FGF12: variants seen among roughly 807,000 people sequenced by gnomAD.
The protein encoded by FGF12 is fibroblast growth factor 12B.
A neutral mutation model predicts 23.6 loss-of-function variants in FGF12; 14 were observed. The observed-to-expected ratio is 0.59, with a 90% CI of 0.39 to 0.93. The LOEUF (loss-of-function observed/expected upper bound fraction) is 0.93, where lower values mean the gene tolerates loss of function less well. Ranked by LOEUF, FGF12 falls within the 40% of genes least tolerant of loss-of-function variation. The probability of loss-of-function intolerance (pLI) is 0.00; values close to 1 mark genes in which losing one functional copy is unlikely to be tolerated. For synonymous variants in FGF12, 62 were observed against 77.3 expected (o/e 0.80, Z 1.04); for missense variants, 175 against 217.8 (o/e 0.80, Z 1.24).
chr3:192,403,999 C>G (rs1054843746), intron 2 of FGF12, among the ~76,000 whole-genome samples: 4 of 152,132 alleles, frequency 2.6e-5, no homozygotes, highest in Non-Finnish European at 4.4e-5. Context: ...TGAAAATCAA[C>G]AAAATCGGGT....
At chr3:192,559,834 C>T (rs902554007) in intron 2 of FGF12, among the ~76,000 whole-genome samples, 2 of 22,162 alleles carry the variant, frequency 9.0e-5, no homozygotes, top group South Asian at 2.3e-3. Flanking sequence ...AACTAAAGTT[C>T]GTTAATGAAT....
chr3:192,294,463 T>A (rs566443170), intron 4 of FGF12, among the ~76,000 whole-genome samples: 5 of 152,204 alleles, frequency 3.3e-5, no homozygotes, highest in Non-Finnish European at 7.3e-5. Context: ...GTCATAGCAC[T>A]GTTCCCTGTC....
chr3:192,324,152 C>T (rs1425682701), intron 4 of FGF12, among the ~76,000 whole-genome samples: 3 of 151,772 alleles, frequency 2.0e-5, no homozygotes, highest in Non-Finnish European at 2.9e-5. Flanking sequence ...ATATATATGC[C>T]TACCACGTGC....
chr3:192,582,831 TG>T (rs1020125656), intron 2 of FGF12, among the ~76,000 whole-genome samples: 8 of 152,166 alleles, frequency 5.3e-5, no homozygotes, highest in African/African-American at 1.9e-4. Flanking sequence ...CTACCACACC[TG>T]AGCTCTCGGC....
At chr3:192,159,835 C>T (rs1714763468) in intron 5 of FGF12, among the ~76,000 whole-genome samples, 2 of 151,988 alleles carry the variant, frequency 1.3e-5, no homozygotes. Flanking sequence ...GGGAAGTGCC[C>T]CACAACAAGG....
intron 2 of FGF12, among the ~76,000 whole-genome samples, chr3:192,373,494 A>T (rs1719336905): frequency 1.3e-5 from 2 of 152,188 alleles, no homozygotes; most frequent in Admixed American, 1.3e-4. Context: ...ATCTTTTACC[A>T]CTGTAAATCA....
chr3:192,633,593 A>G (rs1021463031), intron 2 of FGF12, among the ~76,000 whole-genome samples: 1 of 152,100 alleles, frequency 6.6e-6, no homozygotes, highest in African/African-American at 2.4e-5. Flanking sequence ...CCATTTTTCT[A>G]TAACATTATG....
intron 2 of FGF12, among the ~76,000 whole-genome samples, chr3:192,573,288 T>G (rs1712730943): frequency 6.6e-6 from 1 of 152,162 alleles, no homozygotes. Context: ...GTCAATTTTA[T>G]GTGTCAACTT....
chr3:192,645,470 T>C (rs1715968671), intron 2 of FGF12, among the ~76,000 whole-genome samples: 1 of 152,124 alleles, frequency 6.6e-6, no homozygotes, highest in Non-Finnish European at 1.5e-5. Flanking sequence ...GTAAGAAGAA[T>C]TTTTATTCCA....
intron 4 of FGF12, among the ~76,000 whole-genome samples, chr3:192,279,751 C>G (rs1036993212): frequency 2.6e-5 from 4 of 152,160 alleles, no homozygotes; most frequent in African/African-American, 9.7e-5. Context: ...AGGTCTGTCA[C>G]TATCTTGCTG....
chr3:192,301,323 C>A (rs1007217999), intron 4 of FGF12, among the ~76,000 whole-genome samples: 1 of 152,120 alleles, frequency 6.6e-6, no homozygotes, highest in Non-Finnish European at 1.5e-5. Flanking sequence ...CTTAAAGAAA[C>A]AGGGTCCCAC....
chr3:192,662,190 C>T (rs770465842), intron 2 of FGF12, among the ~76,000 whole-genome samples: 1 of 152,162 alleles, frequency 6.6e-6, no homozygotes, highest in Non-Finnish European at 1.5e-5. Flanking sequence ...TAGCGACTGC[C>T]TTCAAAAGAG....
chr3:192,578,124 G>A lies in FGF12; in HGVS notation c.13+149057C>T, dbSNP rs372761563. ...AAAAATATTTTTGGTACATTTGTCT[G>A]AAAGATAATTTCAAACTCTAGTTAC... is the stretch of plus-strand genomic sequence containing the variant. On this transcript the variant is annotated intron_variant, in intron 2 of 5. Coordinates refer to ENST00000445105, the MANE Select transcript of FGF12 (RefSeq NM_004113.6). 9.2e-5 allele frequency among the ~76,000 whole-genome samples: 14 copies of A among 152,280 alleles called. No homozygotes were observed. In the East Asian group the frequency reaches 1.2e-3, roughly 13 times the overall value.
At chr3:192,270,379 A>G (rs1713356305) in intron 4 of FGF12, among the ~76,000 whole-genome samples, 1 of 152,166 alleles carries the variant, frequency 6.6e-6, no homozygotes, top group Non-Finnish European at 1.5e-5. Flanking sequence ...CACTCATGCT[A>G]TTCCACTATA....
intron 3 of FGF12, among the ~76,000 whole-genome samples, chr3:192,353,775 G>C (rs1244995724): frequency 6.6e-6 from 1 of 152,096 alleles, no homozygotes; most frequent in African/African-American, 2.4e-5. Context: ...TTATGTAAGG[G>C]GGTAAGCCAT....
intron 2 of FGF12, among the ~76,000 whole-genome samples, chr3:192,467,574 A>C (rs1196018919): frequency 6.6e-6 from 1 of 152,228 alleles, no homozygotes; most frequent in Non-Finnish European, 1.5e-5. Flanking sequence ...AAATATTCAC[A>C]GGTTGGCTGC....
intron 5 of FGF12, among the ~76,000 whole-genome samples, chr3:192,166,519 T>C (rs1283754294): frequency 6.6e-6 from 1 of 152,234 alleles, no homozygotes; most frequent in Non-Finnish European, 1.5e-5. Context: ...AAGAACTTGA[T>C]TGTTCAAGTC....
chr3:192,705,195 C>T (rs1718429270), intron 2 of FGF12, among the ~76,000 whole-genome samples: 1 of 152,232 alleles, frequency 6.6e-6, no homozygotes, highest in Admixed American at 6.5e-5. Context: ...CAGCTTTCAG[C>T]GTATTTCAGC....
At chr3:192,189,737 C>T (rs975413696) in intron 4 of FGF12, among the ~76,000 whole-genome samples, 22 of 152,196 alleles carry the variant, frequency 1.4e-4, no homozygotes, top group Non-Finnish European at 2.9e-5. Context: ...AACCCTGCCA[C>T]TTTGACCTTG....
Sources: allele counts gnomAD v4.1 joint callset (sites outside exome capture counted in the v4.1 genomes callset), GRCh38; gene constraint gnomAD v4.1.1; transcripts MANE v1.5; gene names NCBI Gene and HGNC (gene_info 2026-07-23, HGNC 2026-07-21).